Variants in FARSB observed in about 807,000 individuals in gnomAD.
The protein encoded by FARSB is phenylalanine--tRNA ligase beta subunit.
FARSB carries 40 observed loss-of-function variants against 69.6 expected under a neutral mutation model. The observed-to-expected ratio is 0.57, with a 90% CI of 0.45 to 0.75. FARSB has a LOEUF of 0.75. FARSB is among the 30% of genes least tolerant of loss of function. The pLI is 0.00. For missense variants in FARSB, 632 were observed against 722.9 expected, an observed-to-expected ratio of 0.87 and a Z score of 1.44; for synonymous variants, 235 against 247.2, an observed-to-expected ratio of 0.95 and a Z score of 0.46.
intron 16 of FARSB, among the ~76,000 whole-genome samples, chr2:222,572,649 T>A (rs1689745704): frequency 6.6e-6 from 1 of 152,172 alleles, no homozygotes; most frequent in Non-Finnish European, 1.5e-5. Context: ...TTCTGAAGCA[T>A]CTACTGTAAA....
chr2:222,649,089 G>A (rs1408663705), intron 1 of FARSB, among the ~76,000 whole-genome samples: 2 of 152,042 alleles, frequency 1.3e-5, no homozygotes, highest in Non-Finnish European at 2.9e-5. Flanking sequence ...AGCCAGGCAT[G>A]GTGGCGCATG....
intron 16 of FARSB, among the ~76,000 whole-genome samples, chr2:222,587,303 A>G (rs2106186104): frequency 6.6e-6 from 1 of 152,330 alleles, no homozygotes; most frequent in African/African-American, 2.4e-5. Context: ...TGTTCTTTGA[A>G]ACCAATGAGA....
chr2:222,641,045 G>T, intron 3 of FARSB, 114 bp from the exon 4 acceptor site: 78 of 331,116 alleles, frequency 2.4e-4, no homozygotes, highest in Middle Eastern at 9.4e-4. Context: ...AATGGGTTGA[G>T]TTACAGCAAG....
chr2:222,615,405 A>T (rs1690971797), intron 14 of FARSB, among the ~76,000 whole-genome samples: 1 of 152,318 alleles, frequency 6.6e-6, no homozygotes, highest in South Asian at 2.1e-4. Flanking sequence ...AATCTGCAAG[A>T]GGTTTCCATT....
chr2:222,581,825 T>C (rs1689975774), intron 16 of FARSB, among the ~76,000 whole-genome samples: 1 of 152,210 alleles, frequency 6.6e-6, no homozygotes. Context: ...TGTAAACATG[T>C]AAATATGTTA....
intron 15 of FARSB, among the ~76,000 whole-genome samples, 162 bp from the exon 16 acceptor site, chr2:222,600,245 C>T (rs903567896): frequency 6.6e-6 from 1 of 152,104 alleles, no homozygotes; most frequent in Non-Finnish European, 1.5e-5. Flanking sequence ...ATAAAATAGT[C>T]TTTTTTCAGC....
intron 2 of FARSB, among the ~76,000 whole-genome samples, chr2:222,643,449 G>T (rs1691772210): frequency 6.6e-6 from 1 of 152,050 alleles, no homozygotes; most frequent in African/African-American, 2.4e-5. Flanking sequence ...TTACTATCTG[G>T]CCCTTTACAG....
chr2:222,600,712 T>C (rs116130848), intron 15 of FARSB, among the ~76,000 whole-genome samples: 2,374 of 152,278 alleles, frequency 0.016, 32 homozygotes, highest in Middle Eastern at 0.031. Context: ...AGAACAAACA[T>C]AGATTGGAAA....
At position 222,571,619 on chromosome 2, in the gene FARSB, T is replaced by G; in HGVS notation, c.*252A>C. The stretch of plus-strand genomic sequence containing the variant: ...CAGAACAGATCCTGCACTCTGCTAG[T>G]GCATTTCTCCAGCACTCCACGGGGC... On this transcript the variant is annotated 3_prime_UTR_variant, in exon 17 of 17. Transcript: ENST00000281828. The G allele has an allele frequency of 2.7e-6, 1 of 367,306 alleles. No homozygotes were observed. The highest frequency in any genetic ancestry group is 5.2e-5 in the East Asian group (1 of 19,160). 22.8% of individuals were successfully genotyped at this position (367,306 alleles called of 1,614,324 possible).
In FARSB at chr2:222,628,844, G is replaced by C. The variant is rs773534672; in HGVS notation, c.893C>G (p.Thr298Ser). 1.3e-6 allele frequency: 2 copies of C among 1,599,942 alleles called. No individual in the cohort carries two copies. Among genetic ancestry groups the C allele is most frequent in the African/African-American group, 2.7e-5 (2 of 74,610 alleles). Residue 298 changes from threonine (T) to serine (S), a missense_variant, in exon 10 of 17, where the codon ACC becomes AGC. Thr to Ser is a moderately conservative substitution (Grantham distance 58). Transcript: ENST00000281828. ...EVVFPNGKSHTFPELAYRKEM... is the reference protein window; with the variant it reads ...EVVFPNGKSHSFPELAYRKEM... ...CATTTCTTAAGCACTTACTGGAAAG[G>C]TATGTGATTTTCCATTAGGAAAAAC... is the stretch of plus-strand genomic sequence containing the variant.
Position 222,596,392 on chromosome 2 carries a change from A to G in FARSB, c.1618+3536T>C, listed in dbSNP as rs144626787. Among the ~76,000 whole-genome samples, 220 of 152,330 alleles carry G rather than the reference A, an allele frequency of 1.4e-3. 1 individual carries two copies. Among genetic ancestry groups the G allele is most frequent in the Admixed American group, 0.013 (192 of 15,298 alleles). On this transcript the variant is annotated intron_variant, in intron 16 of 16. Transcript: ENST00000281828. ...TCCCTACCACCAAACAAAGCAGTAC[A>G]AAAGAAAGCTTAGTAGTGTACATTA...
At chr2:222,640,772 A>G in intron 4 of FARSB, 90 bp downstream of exon 4, 1 of 679,700 alleles carries the variant, frequency 1.5e-6, no homozygotes, top group South Asian at 1.8e-5. Context: ...AAAAAAAAAG[A>G]GTAAGCTTTG....
chr2:222,574,901 C>A (rs1689799082), intron 16 of FARSB, among the ~76,000 whole-genome samples: 1 of 152,122 alleles, frequency 6.6e-6, no homozygotes, highest in Non-Finnish European at 1.5e-5. Context: ...AAAAAATGTG[C>A]CACTTGACAG....
At chr2:222,583,457 T>A (rs1032341321) in intron 16 of FARSB, among the ~76,000 whole-genome samples, 1 of 152,218 alleles carries the variant, frequency 6.6e-6, no homozygotes, top group Non-Finnish European at 1.5e-5. Flanking sequence ...ATTACTTCTC[T>A]ACCATTCCTC....
intron 16 of FARSB, among the ~76,000 whole-genome samples, chr2:222,598,428 A>C (rs991022931): frequency 6.6e-6 from 1 of 152,268 alleles, no homozygotes; most frequent in African/African-American, 2.4e-5. Flanking sequence ...CATCCACCAC[A>C]AGCTATGCTC....
At chr2:222,616,190 C>T (rs893433131) in intron 14 of FARSB, among the ~76,000 whole-genome samples, 1 of 151,860 alleles carries the variant, frequency 6.6e-6, no homozygotes, top group Non-Finnish European at 1.5e-5. Context: ...AAAAGAAAGA[C>T]GGAAGGATGA....
intron 14 of FARSB, among the ~76,000 whole-genome samples, chr2:222,614,174 A>C (rs2106210238): frequency 6.6e-6 from 1 of 152,382 alleles, no homozygotes; most frequent in Non-Finnish European, 1.5e-5. Flanking sequence ...TTGATTAAAA[A>C]ATAAACGAGA....
chr2:222,577,991 C>T (rs1271567470), intron 16 of FARSB, among the ~76,000 whole-genome samples: 1 of 152,104 alleles, frequency 6.6e-6, no homozygotes, highest in African/African-American at 2.4e-5. Flanking sequence ...CAAGATGACC[C>T]AGCTAATTGT....
intron 5 of FARSB, among the ~76,000 whole-genome samples, chr2:222,636,351 A>G (rs907269924): frequency 1.4e-5 from 2 of 143,094 alleles, no homozygotes; most frequent in African/African-American, 5.3e-5. Context: ...AGCTTGGCGC[A>G]CTCCAGCCTG....
Sources: allele counts gnomAD v4.1 joint callset (sites outside exome capture counted in the v4.1 genomes callset), GRCh38; gene constraint gnomAD v4.1.1; transcripts MANE v1.5; gene names NCBI Gene and HGNC (gene_info 2026-07-23, HGNC 2026-07-21).